RNF24: variants seen among roughly 807,000 people sequenced by gnomAD.
The protein encoded by RNF24 is ring finger protein 24.
In RNF24, 14 loss-of-function variants were observed where a neutral mutation model predicts 20.0. The observed-to-expected ratio is 0.70, with a 90% CI of 0.46 to 1.10. The LOEUF is 1.10. RNF24 is among the 50% of genes least tolerant of loss of function. RNF24 has a pLI of 0.00. For synonymous variants in RNF24, 45 were observed against 61.1 expected (o/e 0.74, Z 1.23); for missense variants, 124 against 177.6 (o/e 0.70, Z 1.71).
intron 1 of RNF24, among the ~76,000 whole-genome samples, chr20:3,974,864 T>G (rs1321478238): frequency 6.6e-6 from 1 of 151,972 alleles, no homozygotes; most frequent in Non-Finnish European, 1.5e-5. Context: ...ATAATTCCTA[T>G]AAAAATCCCA....
chr20:3,964,423 G>C (rs1344129158), intron 1 of RNF24, among the ~76,000 whole-genome samples: 1 of 151,934 alleles, frequency 6.6e-6, no homozygotes, highest in Non-Finnish European at 1.5e-5. Context: ...TATTTATAAT[G>C]GTAAAATATT....
intron 1 of RNF24, among the ~76,000 whole-genome samples, chr20:3,983,657 T>C (rs929341422): frequency 6.6e-6 from 1 of 151,982 alleles, no homozygotes; most frequent in Non-Finnish European, 1.5e-5. Context: ...AAAATACATA[T>C]CAGCCAGGCG....
chr20:3,986,198 G>A (rs1004409129), intron 1 of RNF24, among the ~76,000 whole-genome samples: 7 of 152,108 alleles, frequency 4.6e-5, no homozygotes, highest in Non-Finnish European at 7.4e-5. Flanking sequence ...CACAGGTATG[G>A]ATTTAATTCT....
Position 4,015,547 on chromosome 20 carries a change from G to T in RNF24, c.-118C>A. 6.6e-6 allele frequency: 1 copy of T among 150,776 alleles called. No homozygotes were observed. The highest frequency in any genetic ancestry group is 1.5e-5 in the Non-Finnish European group (1 of 67,560). The allele number at this position is 150,776 out of a possible 1,614,324, so 9.3% of individuals were successfully genotyped here. On this transcript the variant is annotated 5_prime_UTR_variant, in exon 1 of 6. Coordinates refer to ENST00000358395, the MANE Select transcript of RNF24 (RefSeq NM_001134337.3). The stretch of plus-strand genomic sequence containing the variant: ...CGGACAGAGCGCGGCGGAGGTGGCG[G>T]CGGCTGACTGCGCCCGGCGGCCCCT...
chr20:4,003,258 C>T (rs919329573), intron 1 of RNF24, among the ~76,000 whole-genome samples: 2 of 152,168 alleles, frequency 1.3e-5, no homozygotes, highest in Admixed American at 6.5e-5. Context: ...CGTGAACCAC[C>T]ACGCCCGGCC....
Position 3,933,516 on chromosome 20 carries a change from G to A in RNF24, c.*547C>T, listed in dbSNP as rs751131847. On this transcript the variant is annotated 3_prime_UTR_variant, in exon 6 of 6. Coordinates refer to ENST00000358395, the MANE Select transcript of RNF24 (RefSeq NM_001134337.3). ...TAATCCTGAGGGGGAAATGGGTGAC[G>A]AGGAACACTGCTACTCAAAGCCAAG... The A allele has an allele frequency of 2.2e-5, 5 of 228,906 alleles. No individual in the cohort carries two copies. Among genetic ancestry groups the A allele is most frequent in the South Asian group, 1.8e-4 (1 of 5,502 alleles). 14.2% of individuals were successfully genotyped at this position (228,906 alleles called of 1,614,324 possible). A position where few individuals can be genotyped will look rare whatever the true frequency, so the allele number is the denominator to read the frequency against.
At chr20:4,008,393 T>TAATATATATAATATATA (rs1555803330) in intron 1 of RNF24, among the ~76,000 whole-genome samples, 5 of 23,052 alleles carry the variant, frequency 2.2e-4, no homozygotes, top group African/African-American at 1.0e-3. Flanking sequence ...ATATATATTA[T>TAATATATATAATATATA]ATATGTAATA....
intron 1 of RNF24, among the ~76,000 whole-genome samples, chr20:3,982,578 C>CA (rs755663389): frequency 0.53 from 55,752 of 104,734 alleles, 15,263 homozygotes; most frequent in South Asian, 0.63. Flanking sequence ...GACTCTGTCT[C>CA]AAAAAAAAAA....
At chr20:3,970,615 A>C (rs2091305180) in intron 1 of RNF24, among the ~76,000 whole-genome samples, 2 of 152,204 alleles carry the variant, frequency 1.3e-5, no homozygotes, top group Admixed American at 1.3e-4. Flanking sequence ...AAAACACTGA[A>C]ATTCTCAGCA....
intron 1 of RNF24, among the ~76,000 whole-genome samples, chr20:4,010,616 G>T (rs982174583): frequency 1.3e-5 from 2 of 152,014 alleles, no homozygotes; most frequent in Non-Finnish European, 2.9e-5. Flanking sequence ...CCTGACAGCC[G>T]TCATGTTGGT....
intron 2 of RNF24, among the ~76,000 whole-genome samples, chr20:3,950,361 T>C (rs187321412): frequency 6.6e-6 from 1 of 152,228 alleles, no homozygotes; most frequent in African/African-American, 2.4e-5. Context: ...AAGAAGGCCA[T>C]GTGAACACAG....
chr20:3,946,143 CTACA>C (rs2146957771), intron 3 of RNF24, among the ~76,000 whole-genome samples: 2 of 152,230 alleles, frequency 1.3e-5, no homozygotes, highest in South Asian at 4.1e-4. Context: ...TCTAGTTAGC[CTACA>C]TACAAATATC....
intron 1 of RNF24, among the ~76,000 whole-genome samples, chr20:3,989,060 AATCT>A (rs1432765720): frequency 2.0e-5 from 3 of 152,212 alleles, no homozygotes; most frequent in African/African-American, 7.2e-5. Context: ...ATTTTCCTTA[AATCT>A]ATCAATTTAA....
At chr20:3,946,355 T>TC (rs2091016754) in intron 3 of RNF24, among the ~76,000 whole-genome samples, 1 of 152,062 alleles carries the variant, frequency 6.6e-6, no homozygotes, top group South Asian at 2.1e-4. Context: ...TAATCCCTGC[T>TC]ACTTGGGAGG....
rs115074279 is a variant in RNF24, at chr20:4,013,276, A to C, written c.-8+2161T>G. 9.3e-3 allele frequency among the ~76,000 whole-genome samples: 1,411 copies of C among 152,310 alleles called. 22 individuals carry two copies. The highest frequency in any genetic ancestry group is 0.032 in the African/African-American group (1,347 of 41,550). ...AAAAGCAAATGTTTTAAACAGAGGG[A>C]ATATACATAAACAGATGCTGTGGAA... On this transcript the variant is annotated intron_variant, in intron 1 of 5. Transcript: ENST00000358395.
intron 1 of RNF24, among the ~76,000 whole-genome samples, chr20:4,010,471 C>T (rs1045442330): frequency 1.3e-5 from 2 of 152,206 alleles, no homozygotes; most frequent in African/African-American, 4.8e-5. Context: ...CTTCCATCTT[C>T]TCATCACAGA....
chr20:4,009,433 G>A (rs1005711453), intron 1 of RNF24, among the ~76,000 whole-genome samples: 1 of 151,340 alleles, frequency 6.6e-6, no homozygotes, highest in Non-Finnish European at 1.5e-5. Flanking sequence ...GATATGAGGG[G>A]GCATGAGGTA....
intron 4 of RNF24, among the ~76,000 whole-genome samples, chr20:3,944,763 G>A (rs915852947): frequency 6.6e-6 from 1 of 152,098 alleles, no homozygotes; most frequent in Non-Finnish European, 1.5e-5. Context: ...CCCCTGTTCC[G>A]TATGTCTTAC....
In RNF24 at chr20:4,002,863, T is replaced by C. The variant is rs1331193156; in HGVS notation, c.-8+12574A>G. ...ACTGTGTCACGCTTTTATATAATTC[T>C]GGTGTTCTAAATGGATGGTGGTAGT... is the stretch of plus-strand genomic sequence containing the variant. On this transcript the variant is annotated intron_variant, in intron 1 of 5. Coordinates refer to ENST00000358395, the MANE Select transcript of RNF24 (RefSeq NM_001134337.3). 3.9e-5 allele frequency among the ~76,000 whole-genome samples: 6 copies of C among 152,334 alleles called. No homozygotes were observed. The East Asian group carries it at 1.2e-3, about 29-fold the overall frequency.
Sources: gnomAD v4.1 joint callset for allele counts (sites outside exome capture counted in the v4.1 genomes callset) on GRCh38, gnomAD v4.1.1 for gene constraint, MANE v1.5 for transcripts, NCBI Gene and HGNC (gene_info 2026-07-23, HGNC 2026-07-21) for gene names.